The following DENND5A variants were observed in gnomAD, a reference collection of about 807,000 sequenced individuals.
DENND5A encodes the protein DENN domain containing 5A, also known as DENN domain-containing protein 5A.
In DENND5A, 64 loss-of-function variants were observed where a neutral mutation model predicts 140.3. The observed-to-expected ratio is 0.46, with a 90% confidence interval of 0.37 to 0.56. DENND5A has a LOEUF of 0.56. Ranked by LOEUF, DENND5A falls within the 20% of genes least tolerant of loss-of-function variation. DENND5A has a pLI of 0.00. For missense variants in DENND5A, 1,292 were observed against 1,593.8 expected (o/e 0.81, Z 3.22); for synonymous variants, 605 against 607.7 (o/e 1.00, Z 0.07).
In DENND5A at chr11:9,139,579, C is replaced by T. The variant is rs1847166531; in HGVS notation, c.*92G>A. The T allele has an allele frequency of 8.3e-7, 1 of 1,206,542 alleles. No individual in the cohort carries two copies. Among genetic ancestry groups the T allele is most frequent in the African/African-American group, 1.5e-5 (1 of 66,180 alleles). 74.7% of individuals were successfully genotyped at this position (1,206,542 alleles called of 1,614,324 possible). ...CAGTGAGTGTACATTTTGTCTCCTA[C>T]TCCTGCACAATCGCTTAAGTCCCTT... On this transcript the variant is annotated 3_prime_UTR_variant, in exon 23 of 23. Coordinates refer to ENST00000328194, the MANE Select transcript of DENND5A (RefSeq NM_015213.4).
intron 11 of DENND5A, among the ~76,000 whole-genome samples, chr11:9,164,194 A>ATTATT (rs1848104913): frequency 3.8e-5 from 3 of 79,068 alleles, no homozygotes; most frequent in African/African-American, 1.5e-4. Flanking sequence ...ACCACGCCTA[A>ATTATT]TTTTTTTTTT....
chr11:9,231,612 G>C (rs1850773414), intron 1 of DENND5A, among the ~76,000 whole-genome samples: 1 of 149,930 alleles, frequency 6.7e-6, no homozygotes, highest in South Asian at 2.1e-4. Context: ...CTACTCAGGA[G>C]ACTGAGGCAA....
chr11:9,139,909 A>G, intron 22 of DENND5A, 55 bp from the exon 23 acceptor site: 14 of 1,561,790 alleles, frequency 9.0e-6, no homozygotes, highest in Non-Finnish European at 9.7e-6. Flanking sequence ...AAAGGAAGAG[A>G]GAGCGTTAGT....
chr11:9,152,018 A>G lies in DENND5A; in HGVS notation c.2521+340T>C, dbSNP rs72857981. On this transcript the variant is annotated intron_variant, in intron 13 of 22. Coordinates refer to ENST00000328194, the MANE Select transcript of DENND5A (RefSeq NM_015213.4). ...AACGGGATAGATAATCATAATGCCC[A>G]TGTCAGAGAAATAAAACAAAAGACT... 7.4e-3 allele frequency among the ~76,000 whole-genome samples: 1,127 copies of G among 152,322 alleles called. 3 individuals carry two copies. Among genetic ancestry groups the G allele is most frequent in the Middle Eastern group, 0.014 (4 of 294 alleles).
chr11:9,203,069 G>A (rs35955530), intron 4 of DENND5A, among the ~76,000 whole-genome samples: 43,269 of 151,968 alleles, frequency 0.28, 6,804 homozygotes, highest in South Asian at 0.5. Flanking sequence ...CTGACACATA[G>A]TGCACTCTCA....
intron 9 of DENND5A, among the ~76,000 whole-genome samples, 193 bp downstream of exon 9, chr11:9,170,434 G>A (rs960193082): frequency 6.6e-6 from 1 of 152,150 alleles, no homozygotes; most frequent in Non-Finnish European, 1.5e-5. Context: ...CTGCATAGTG[G>A]AGGCAGAACT....
chr11:9,206,729 C>T lies in DENND5A; in HGVS notation c.235G>A (p.Ala79Thr). 2 of 1,613,898 alleles carry T rather than the reference C, an allele frequency of 1.2e-6. No homozygotes were observed. Among genetic ancestry groups the T allele is most frequent in the African/African-American group, 2.7e-5 (2 of 75,012 alleles). The change falls in exon 3 of 23, where the codon GCA becomes ACA. Residue 79 changes from alanine to threonine, a missense_variant. Ala to Thr is a moderately conservative substitution (Grantham distance 58). Coordinates refer to ENST00000328194, the MANE Select transcript of DENND5A (RefSeq NM_015213.4). Reference sequence around the variant, plus strand: ...CATTCTACGTTCTCAGGATATCGTGCAAGGACCTTAGATTTGAATGTTCTT... The same window carrying T: ...CATTCTACGTTCTCAGGATATCGTGTAAGGACCTTAGATTTGAATGTTCTT... ...LRRTFKSKVL[A>T]RYPENVEWNP...
intron 1 of DENND5A, among the ~76,000 whole-genome samples, chr11:9,258,596 A>G (rs1041575361): frequency 7.4e-6 from 1 of 135,116 alleles, no homozygotes; most frequent in African/African-American, 2.6e-5. Context: ...TGAAACAGAA[A>G]CCTGGACTAG....
At chr11:9,144,400 G>A (rs1847352079) in intron 18 of DENND5A, 122 bp from the exon 19 acceptor site, 1 of 939,578 alleles carries the variant, frequency 1.1e-6, no homozygotes, top group Admixed American at 2.5e-5. Flanking sequence ...CTCCTTCAAT[G>A]CTCTGCTGGT....
intron 1 of DENND5A, among the ~76,000 whole-genome samples, chr11:9,212,756 G>A (rs1327865665): frequency 1.3e-5 from 2 of 152,148 alleles, no homozygotes; most frequent in African/African-American, 4.8e-5. Flanking sequence ...TTCATCACCA[G>A]TAGACCTGTA....
intron 5 of DENND5A, among the ~76,000 whole-genome samples, chr11:9,183,428 C>A (rs1392161810): frequency 2.0e-5 from 3 of 150,988 alleles, no homozygotes; most frequent in Non-Finnish European, 4.4e-5. Context: ...AAATTTCATA[C>A]AGGTTTTTAA....
intron 5 of DENND5A, among the ~76,000 whole-genome samples, chr11:9,191,951 T>C (rs1258417676): frequency 6.6e-6 from 1 of 152,174 alleles, no homozygotes; most frequent in African/African-American, 2.4e-5. Flanking sequence ...TTATGTATGG[T>C]ACAGTAAGCA....
chr11:9,175,415 G>A (rs1848515820), intron 8 of DENND5A: 1 of 152,274 alleles, frequency 6.6e-6, no homozygotes, highest in East Asian at 1.9e-4. Context: ...CTGTTAGGAT[G>A]TCAAATATCA....
intron 1 of DENND5A, among the ~76,000 whole-genome samples, chr11:9,219,730 A>G (rs141815486): frequency 3.4e-4 from 52 of 152,356 alleles, no homozygotes; most frequent in African/African-American, 1.1e-3. Context: ...CTCAGGCAAG[A>G]ATCCACAGCT....
chr11:9,149,348 C>T (rs1212200206), intron 15 of DENND5A, among the ~76,000 whole-genome samples: 2 of 152,200 alleles, frequency 1.3e-5, no homozygotes, highest in Admixed American at 6.5e-5. Flanking sequence ...CTGGCTGAAT[C>T]CCTAGTGGAT....
chr11:9,187,950 G>C (rs552337345), intron 5 of DENND5A, among the ~76,000 whole-genome samples: 1 of 152,286 alleles, frequency 6.6e-6, no homozygotes, highest in South Asian at 2.1e-4. Flanking sequence ...TGTCCCTCTG[G>C]AGAAAGTCCT....
At position 9,203,812 on chromosome 11, in the gene DENND5A, T is replaced by C. The variant is rs376134706; in HGVS notation, c.797A>G (p.Tyr266Cys). The C allele has an allele frequency of 1.4e-5, 23 of 1,614,136 alleles. No individual in the cohort carries two copies. The highest frequency in any genetic ancestry group is 8.8e-5 in the South Asian group (8 of 91,078). ...TGGTCTCTGGCAGATTATTGGCCCA[T>C]AGACCCCAGAAAACTTCAAGGACCG... ...PGRSLKFSGV[Y>C]GPIICQRPST... is the part of the protein sequence containing the mutation. The change falls in exon 4 of 23, where the codon TAT becomes TGT. Residue 266 changes from tyrosine (Y) to cysteine (C), a missense_variant. Physicochemically the swap from Tyr to Cys is radical, Grantham distance 194 (BLOSUM62 -2). This residue lies in a region of DENND5A where 566 missense variants were observed against 650.4 expected (regional missense o/e 0.87). Transcript: ENST00000328194.
At chr11:9,236,506 T>C (rs11042230) in intron 1 of DENND5A, among the ~76,000 whole-genome samples, 25,305 of 151,574 alleles carry the variant, frequency 0.17, 2,274 homozygotes, top group Non-Finnish European at 0.21. Flanking sequence ...CACTCCAGCC[T>C]GGGCGACAAG....
intron 5 of DENND5A, among the ~76,000 whole-genome samples, chr11:9,191,127 C>T (rs1849108911): frequency 1.3e-5 from 2 of 152,094 alleles, no homozygotes; most frequent in Non-Finnish European, 2.9e-5. Flanking sequence ...GCCAGAAGCT[C>T]AGATACAAAG....
Sources: allele counts gnomAD v4.1 joint callset (sites outside exome capture counted in the v4.1 genomes callset), GRCh38; gene constraint gnomAD v4.1.1; regional missense constraint gnomAD v4.1.1; transcripts MANE v1.5; gene names NCBI Gene and HGNC (gene_info 2026-07-23, HGNC 2026-07-21).